The following CBLN2 variants were observed in gnomAD, a reference collection of about 807,000 sequenced individuals.
CBLN2 encodes the protein cerebellin 2 precursor, also known as cerebellin-2.
CBLN2 carries 7 observed loss-of-function variants against 15.0 expected under a neutral mutation model. That is an observed-to-expected ratio of 0.47 (90% CI 0.27 to 0.88). CBLN2 has a LOEUF of 0.88. Among genes scored for constraint, CBLN2 ranks in the 40% least tolerant of loss-of-function variants. The pLI, the probability that CBLN2 is intolerant of heterozygous loss-of-function variation, is 0.14. For synonymous variants in CBLN2, 149 were observed against 135.2 expected, an observed-to-expected ratio of 1.10 and a Z score of -0.71; for missense variants, 242 against 304.5, an observed-to-expected ratio of 0.79 and a Z score of 1.53.
chr18:72,601,944 C>A (rs941999962), intron 1 of CBLN2, among the ~76,000 whole-genome samples: 4 of 152,216 alleles, frequency 2.6e-5, no homozygotes, highest in Admixed American at 2.0e-4. Context: ...TCTGCTAGAG[C>A]AGCCAGTTTA....
At chr18:72,588,401 A>G (rs1308070810) in intron 1 of CBLN2, among the ~76,000 whole-genome samples, 1 of 152,350 alleles carries the variant, frequency 6.6e-6, no homozygotes, top group Non-Finnish European at 1.5e-5. Flanking sequence ...ATAACATGAA[A>G]TTGACCATCT....
At chr18:72,554,972 T>A (rs1194999801) in intron 1 of CBLN2, among the ~76,000 whole-genome samples, 2 of 151,802 alleles carry the variant, frequency 1.3e-5, no homozygotes, top group Admixed American at 6.6e-5. Context: ...CCCGTCTCTA[T>A]TAAAAATACA....
intron 2 of CBLN2, chr18:72,542,909 C>CA (rs1246258041): frequency 1.5e-5 from 2 of 131,652 alleles, no homozygotes; most frequent in South Asian, 2.8e-4. Flanking sequence ...GGAAATGACA[C>CA]CACACACACA....
upstream of CBLN2, among the ~76,000 whole-genome samples, chr18:72,547,510 C>T (rs2069166202): frequency 6.6e-6 from 1 of 152,012 alleles, no homozygotes; most frequent in Non-Finnish European, 1.5e-5. Flanking sequence ...AGTAGAAAAT[C>T]AGTAATATGT....
chr18:72,618,839 G>C (rs1276143800), intron 1 of CBLN2: 2 of 735,892 alleles, frequency 2.7e-6, no homozygotes, highest in Admixed American at 1.7e-5. Context: ...GCTTCATCCA[G>C]CCAAAGAGAT....
rs148436928 is a variant in CBLN2, at chr18:72,582,523, T to C, written c.16-43751A>G. 7.9e-5 allele frequency among the ~76,000 whole-genome samples: 12 copies of C among 152,244 alleles called. No individual in the cohort carries two copies. In the East Asian group the frequency reaches 1.9e-3, roughly 25 times the overall value. ...ACTGTTTCTGATATGAGGCGAGAGATGTGAAGGAGCTTTTTCCTGGGGTCT... is the reference window on the plus strand; with the variant it reads ...ACTGTTTCTGATATGAGGCGAGAGACGTGAAGGAGCTTTTTCCTGGGGTCT... On this transcript the variant is annotated intron_variant, in intron 1 of 2. Transcript: ENST00000581073.
At chr18:72,545,656 CCACCA>C (rs1232950114), upstream of CBLN2, among the ~76,000 whole-genome samples, 1 of 152,140 alleles carries the variant, frequency 6.6e-6, no homozygotes, top group African/African-American at 2.4e-5. Flanking sequence ...ATCCATCATT[CCACCA>C]TAGAGAGAAC....
At chr18:72,579,060 C>T (rs1435578005) in intron 1 of CBLN2, among the ~76,000 whole-genome samples, 1 of 152,162 alleles carries the variant, frequency 6.6e-6, no homozygotes, top group African/African-American at 2.4e-5. Flanking sequence ...ATATCTAATG[C>T]ACTGTGGTCT....
In CBLN2 at chr18:72,626,136, G is replaced by A. The variant is rs116476396; in HGVS notation, c.15+12189C>T. Among the ~76,000 whole-genome samples, 492 of 151,956 alleles carry A rather than the reference G, an allele frequency of 3.2e-3. 2 individuals are homozygous for A. The highest frequency in any genetic ancestry group is 0.012 in the East Asian group (64 of 5,146). ...TGAAATGACTGAAGGGTTATCTCCC[G>A]TTCGGCAAACATTTTTCATTTTTAT... On this transcript the variant is annotated intron_variant, in intron 1 of 2. Transcript: ENST00000581073.
chr18:72,545,969 A>G (rs1191641845), upstream of CBLN2, among the ~76,000 whole-genome samples: 1 of 152,122 alleles, frequency 6.6e-6, no homozygotes, highest in Non-Finnish European at 1.5e-5. Context: ...GACACCTTTA[A>G]TCTATGTGAC....
intron 1 of CBLN2, among the ~76,000 whole-genome samples, chr18:72,573,178 C>G (rs1306834820): frequency 6.6e-5 from 10 of 152,182 alleles, no homozygotes; most frequent in Admixed American, 6.5e-4. Flanking sequence ...AAAATCTGCT[C>G]AGATGGCCCT....
At chr18:72,615,184 T>TTA (rs962096022) in intron 1 of CBLN2, among the ~76,000 whole-genome samples, 1 of 133,236 alleles carries the variant, frequency 7.5e-6, no homozygotes, top group East Asian at 2.0e-4. Flanking sequence ...TATTTATATA[T>TTA]TATATATAAA....
chr18:72,557,779 A>G (rs2069235752), intron 1 of CBLN2, among the ~76,000 whole-genome samples: 1 of 152,218 alleles, frequency 6.6e-6, no homozygotes, highest in Non-Finnish European at 1.5e-5. Flanking sequence ...GGGAGAGAGC[A>G]TTAGGAAAAA....
chr18:72,596,025 T>C (rs979210275), intron 1 of CBLN2, among the ~76,000 whole-genome samples: 1 of 152,146 alleles, frequency 6.6e-6, no homozygotes. Context: ...TGTATTTATA[T>C]GCAATGTGAT....
intron 1 of CBLN2, among the ~76,000 whole-genome samples, chr18:72,553,481 T>TAGAC (rs1229766197): frequency 3.9e-5 from 6 of 151,902 alleles, no homozygotes; most frequent in Non-Finnish European, 7.4e-5. Context: ...GATAGATAGA[T>TAGAC]AGATAGATAG....
chr18:72,620,928 T>A (rs1599027001), intron 1 of CBLN2, among the ~76,000 whole-genome samples: 1 of 152,366 alleles, frequency 6.6e-6, no homozygotes, highest in African/African-American at 2.4e-5. Flanking sequence ...TAATCAAATC[T>A]ATTTGATACT....
At chr18:72,625,812 CTCTCTCTATA>C (rs1397503925) in intron 1 of CBLN2, among the ~76,000 whole-genome samples, 1,793 of 68,978 alleles carry the variant, frequency 0.026, 22 homozygotes, top group African/African-American at 0.066. Flanking sequence ...CTCTCTCTCT[CTCTCTCTATA>C]TATATATATA....
At chr18:72,572,133 G>C (rs2069336231) in intron 1 of CBLN2, among the ~76,000 whole-genome samples, 1 of 152,146 alleles carries the variant, frequency 6.6e-6, no homozygotes, top group Non-Finnish European at 1.5e-5. Flanking sequence ...AGAAATTTCA[G>C]CTGGTCATTC....
intron 1 of CBLN2, chr18:72,619,074 A>T: frequency 1.3e-6 from 1 of 749,398 alleles, no homozygotes; most frequent in Non-Finnish European, 2.4e-6. Flanking sequence ...ACAGTCTTCA[A>T]ATTTTGGACC....
Sources: gnomAD v4.1 joint callset for allele counts (sites outside exome capture counted in the v4.1 genomes callset) on GRCh38, gnomAD v4.1.1 for gene constraint, MANE v1.5 for transcripts, NCBI Gene and HGNC (gene_info 2026-07-23, HGNC 2026-07-21) for gene names.